The following AOPEP variants were observed in gnomAD, a reference collection of about 807,000 sequenced individuals.
The protein encoded by AOPEP is aminopeptidase O (putative).
Under a neutral mutation model 98.1 loss-of-function variants are expected in AOPEP, and 77 were observed. The observed-to-expected ratio is 0.78, with a 90% CI of 0.65 to 0.95. The LOEUF is 0.95. AOPEP is among the 40% of genes least tolerant of loss of function. AOPEP has a pLI of 0.00. For missense variants in AOPEP, 1,024 were observed against 1,024.7 expected, an observed-to-expected ratio of 1.00 and a Z score of 0.01; for synonymous variants, 346 against 365.3, an observed-to-expected ratio of 0.95 and a Z score of 0.60.
At chr9:94,811,866 G>A (rs747707338) in intron 5 of AOPEP, among the ~76,000 whole-genome samples, 6 of 152,224 alleles carry the variant, frequency 3.9e-5, no homozygotes, top group Non-Finnish European at 7.3e-5. Flanking sequence ...TAAACTTGGA[G>A]TGTCTCCCGT....
intron 5 of AOPEP, among the ~76,000 whole-genome samples, chr9:94,851,847 T>C (rs1309730736): frequency 1.3e-5 from 2 of 150,798 alleles, no homozygotes; most frequent in Non-Finnish European, 2.9e-5. Flanking sequence ...TTCCCATCCC[T>C]GGAGGTGGTG....
At chr9:95,037,948 T>C (rs983371799) in intron 13 of AOPEP, among the ~76,000 whole-genome samples, 11 of 152,068 alleles carry the variant, frequency 7.2e-5, no homozygotes, top group Non-Finnish European at 1.5e-4. Flanking sequence ...CAGGCACGTA[T>C]GAGATGGTGT....
chr9:94,799,930 T>C (rs1051342604), intron 4 of AOPEP, among the ~76,000 whole-genome samples: 2 of 151,934 alleles, frequency 1.3e-5, no homozygotes, highest in Admixed American at 6.6e-5. Context: ...ATAAAAGACA[T>C]GTTAGCAGGT....
Position 94,739,943 on chromosome 9 carries a change from A to G in AOPEP, c.-136+13192A>G, listed in dbSNP as rs75404424. On this transcript the variant is annotated intron_variant, in intron 1 of 16. Coordinates refer to ENST00000375315, the MANE Select transcript of AOPEP (RefSeq NM_001193329.3). ...AGATAAGTTGATGCCCTATTTTAAAAGATACCTCAGATTTGTTCTAATCAG... is the reference window on the plus strand; with the variant it reads ...AGATAAGTTGATGCCCTATTTTAAAGGATACCTCAGATTTGTTCTAATCAG... Among the ~76,000 whole-genome samples the G allele has an allele frequency of 7.4e-3, 1,123 of 152,322 alleles. 14 individuals are homozygous for G. Among genetic ancestry groups the G allele is most frequent in the African/African-American group, 0.026 (1,083 of 41,566 alleles).
intron 16 of AOPEP, chr9:95,082,970 G>A (rs968381856): frequency 6.1e-5 from 29 of 475,200 alleles, no homozygotes; most frequent in Middle Eastern, 5.5e-4. Context: ...GAGGCACAGC[G>A]GCACTCCTTG....
chr9:95,051,995 G>T (rs2066419382), intron 13 of AOPEP, among the ~76,000 whole-genome samples: 1 of 152,166 alleles, frequency 6.6e-6, no homozygotes, highest in Non-Finnish European at 1.5e-5. Context: ...GAGCCACCGT[G>T]CCTGGCCTAT....
chr9:95,121,858 AT>A, the AOPEP span, among the ~76,000 whole-genome samples: 1,500 of 138,014 alleles, frequency 0.011, 9 homozygotes, highest in East Asian at 0.033. Context: ...CATAAAATTC[AT>A]TTTTTTTTTT....
intron 6 of AOPEP, 149 bp from the exon 7 acceptor site, chr9:94,928,276 T>C (rs1470480808): frequency 3.3e-6 from 2 of 614,586 alleles, no homozygotes; most frequent in Admixed American, 5.9e-5. Flanking sequence ...ACTAAGAGGC[T>C]CCAGTGGCCT....
At chr9:94,817,668 A>G (rs1201443425) in intron 5 of AOPEP, among the ~76,000 whole-genome samples, 1 of 152,204 alleles carries the variant, frequency 6.6e-6, no homozygotes, top group Non-Finnish European at 1.5e-5. Flanking sequence ...TCCTCAAGTA[A>G]AAGTTGGGAA....
chr9:94,916,717 A>G (rs1057165624), intron 5 of AOPEP, among the ~76,000 whole-genome samples: 1 of 151,170 alleles, frequency 6.6e-6, no homozygotes, highest in African/African-American at 2.4e-5. Flanking sequence ...AAATTAAATA[A>G]ATAAATAAAT....
chr9:95,129,254 A>G, the AOPEP span, among the ~76,000 whole-genome samples: 8 of 152,202 alleles, frequency 5.3e-5, no homozygotes, highest in African/African-American at 1.9e-4. Flanking sequence ...TTTTGAGCAC[A>G]TAATTTCAGG....
At chr9:94,994,619 A>C (rs553885566) in intron 11 of AOPEP, among the ~76,000 whole-genome samples, 2 of 152,286 alleles carry the variant, frequency 1.3e-5, no homozygotes, top group East Asian at 3.9e-4. Flanking sequence ...TGCATCTAGC[A>C]CCTGACCATG....
chr9:94,961,696 A>T (rs1053789816), intron 9 of AOPEP, among the ~76,000 whole-genome samples: 1 of 151,406 alleles, frequency 6.6e-6, no homozygotes, highest in African/African-American at 2.4e-5. Context: ...TTATGTTTTT[A>T]TTTTTTCTGT....
At chr9:94,899,589 A>C (rs1045150646) in intron 5 of AOPEP, among the ~76,000 whole-genome samples, 2 of 151,718 alleles carry the variant, frequency 1.3e-5, no homozygotes, top group Admixed American at 6.6e-5. Context: ...ATCACTACAA[A>C]AAATTTACAA....
At chr9:95,149,820 C>T in the AOPEP span, 4 of 1,342,996 alleles carry the variant, frequency 3.0e-6, no homozygotes, top group Admixed American at 7.9e-5. Context: ...GGTACTGAGA[C>T]AAAAACGTTT....
chr9:94,733,563 C>T (rs1271784507), intron 1 of AOPEP, among the ~76,000 whole-genome samples: 1 of 152,138 alleles, frequency 6.6e-6, no homozygotes, highest in South Asian at 2.1e-4. Flanking sequence ...TGTATTTGTT[C>T]TCTAGGTTTA....
chr9:94,892,116 T>C (rs1414000110), intron 5 of AOPEP, among the ~76,000 whole-genome samples: 2 of 152,202 alleles, frequency 1.3e-5, no homozygotes, highest in Non-Finnish European at 1.5e-5. Context: ...TTTTTTTTCT[T>C]TGTCTTTTGT....
chr9:94,781,567 A>G (rs1212883045), intron 3 of AOPEP, among the ~76,000 whole-genome samples: 4 of 142,976 alleles, frequency 2.8e-5, no homozygotes, highest in African/African-American at 1.0e-4. Context: ...TTTTTAATTA[A>G]TTAATTTTTT....
chr9:94,797,090 C>T (rs1847113079), intron 4 of AOPEP, among the ~76,000 whole-genome samples: 1 of 152,186 alleles, frequency 6.6e-6, no homozygotes. Context: ...ATAGGAAGTA[C>T]AGCATCTTTG....
Sources: gnomAD v4.1 joint callset for allele counts (sites outside exome capture counted in the v4.1 genomes callset) on GRCh38, gnomAD v4.1.1 for gene constraint, MANE v1.5 for transcripts, NCBI Gene and HGNC (gene_info 2026-07-23, HGNC 2026-07-21) for gene names.